SEMA6D: variants seen among roughly 807,000 people sequenced by gnomAD.
The protein encoded by SEMA6D is semaphorin 6D.
A neutral mutation model predicts 106.6 loss-of-function variants in SEMA6D; 35 were observed. The ratio of observed to expected loss-of-function variants is 0.33; its 90% CI spans 0.25 to 0.44. The LOEUF is 0.44. SEMA6D is among the 20% of genes least tolerant of loss of function. The pLI, the probability that SEMA6D is intolerant of heterozygous loss-of-function variation, is 1.00. For missense variants in SEMA6D, 1,185 were observed against 1,345.9 expected (o/e 0.88, Z 1.87); for synonymous variants, 499 against 487.7 (o/e 1.02, Z -0.31).
At chr15:47,311,911 C>A (rs1182569310) in intron 1 of SEMA6D, among the ~76,000 whole-genome samples, 1 of 152,162 alleles carries the variant, frequency 6.6e-6, no homozygotes, top group Non-Finnish European at 1.5e-5. Context: ...TCTTCAGTGA[C>A]CTTGCCATTT....
In SEMA6D at chr15:47,324,757, T is replaced by A. The variant is rs558544112; in HGVS notation, c.-238-87636T>A. Reference sequence around the variant, plus strand: ...GAATGTGTGCACATACGTGTGTATATATATAGTAATGTACGCTATTATACA... The same window carrying A: ...GAATGTGTGCACATACGTGTGTATAAATATAGTAATGTACGCTATTATACA... On this transcript the variant is annotated intron_variant, in intron 1 of 19. Coordinates refer to the SEMA6D transcript ENST00000558014. 1.1e-4 allele frequency among the ~76,000 whole-genome samples: 16 copies of A among 151,598 alleles called. 1 individual carries two copies. In the South Asian group the frequency reaches 3.3e-3, roughly 32 times the overall value.
chr15:47,345,427 C>A (rs589497), intron 1 of SEMA6D, among the ~76,000 whole-genome samples: 2 of 151,864 alleles, frequency 1.3e-5, no homozygotes, highest in African/African-American at 4.8e-5. Context: ...TGATTTCCAA[C>A]ACAAGAGTAA....
At chr15:47,700,920 A>T (rs986016233) in intron 4 of SEMA6D, among the ~76,000 whole-genome samples, 1 of 152,214 alleles carries the variant, frequency 6.6e-6, no homozygotes, top group African/African-American at 2.4e-5. Flanking sequence ...TTGGAAAAAA[A>T]CATTAATCTA....
chr15:47,467,371 A>G (rs991615807), intron 2 of SEMA6D, among the ~76,000 whole-genome samples: 3 of 152,190 alleles, frequency 2.0e-5, no homozygotes, highest in Admixed American at 6.5e-5. Context: ...CAAGGAAATT[A>G]AAGTAATTAT....
At chr15:47,335,756 A>G (rs1054193333) in intron 1 of SEMA6D, among the ~76,000 whole-genome samples, 8 of 152,162 alleles carry the variant, frequency 5.3e-5, no homozygotes, top group African/African-American at 1.9e-4. Context: ...AGGAAGAGAA[A>G]AAGGGGAGAG....
At chr15:47,611,123 G>A (rs2076891597) in intron 4 of SEMA6D, among the ~76,000 whole-genome samples, 1 of 149,710 alleles carries the variant, frequency 6.7e-6, no homozygotes, top group African/African-American at 2.5e-5. Flanking sequence ...TAATTGATTA[G>A]CCTACCCACT....
At chr15:47,266,851 G>A (rs555934246) in intron 1 of SEMA6D, among the ~76,000 whole-genome samples, 18 of 152,174 alleles carry the variant, frequency 1.2e-4, no homozygotes, top group African/African-American at 3.1e-4. Context: ...TTCAAATACC[G>A]TAGATTTTTG....
intron 13 of SEMA6D, chr15:47,765,565 A>T (rs1199538776): frequency 1.7e-6 from 1 of 596,500 alleles, no homozygotes; most frequent in Non-Finnish European, 2.2e-6. Flanking sequence ...ACACAGGAAA[A>T]TTTATATGCA....
intron 1 of SEMA6D, among the ~76,000 whole-genome samples, chr15:47,259,401 C>A (rs2033961206): frequency 6.6e-6 from 1 of 151,630 alleles, no homozygotes. Flanking sequence ...CTGAGGAGGT[C>A]ATTGTTTCCT....
intron 1 of SEMA6D, among the ~76,000 whole-genome samples, chr15:47,731,715 C>T (rs1056007121): frequency 1.3e-5 from 2 of 152,202 alleles, no homozygotes; most frequent in African/African-American, 4.8e-5. Flanking sequence ...TGCCTTTTTC[C>T]ACAATTATTC....
chr15:47,665,216 A>G (rs966156152), intron 4 of SEMA6D, among the ~76,000 whole-genome samples: 2 of 152,214 alleles, frequency 1.3e-5, no homozygotes, highest in Non-Finnish European at 2.9e-5. Flanking sequence ...GTAGGAAGAA[A>G]GCAGGGACAA....
At chr15:47,530,432 C>T (rs1046427770) in intron 3 of SEMA6D, among the ~76,000 whole-genome samples, 6 of 152,116 alleles carry the variant, frequency 3.9e-5, no homozygotes, top group Non-Finnish European at 5.9e-5. Flanking sequence ...GACAATAGTT[C>T]CCTAAATTGG....
chr15:47,234,051 A>G (rs1234116911), intron 1 of SEMA6D, among the ~76,000 whole-genome samples: 6 of 151,954 alleles, frequency 3.9e-5, no homozygotes, highest in African/African-American at 1.4e-4. Context: ...GAGAAAATGG[A>G]TAACAGTTGG....
At chr15:47,217,162 C>T (rs529993462) in intron 1 of SEMA6D, among the ~76,000 whole-genome samples, 2 of 152,218 alleles carry the variant, frequency 1.3e-5, no homozygotes, top group African/African-American at 2.4e-5. Flanking sequence ...ATAAGTCATC[C>T]CGTGTATGGT....
chr15:47,336,271 C>G (rs1343646651), intron 1 of SEMA6D, among the ~76,000 whole-genome samples: 1 of 152,170 alleles, frequency 6.6e-6, no homozygotes, highest in Non-Finnish European at 1.5e-5. Context: ...TTTCCCCTAC[C>G]TAACACTGTA....
intron 4 of SEMA6D, among the ~76,000 whole-genome samples, chr15:47,696,129 G>A (rs72735842): frequency 0.038 from 5,842 of 152,126 alleles, 166 homozygotes; most frequent in Non-Finnish European, 0.054. Flanking sequence ...GTTGATGATG[G>A]ATTACCACGG....
At chr15:47,656,183 CA>C (rs2077789994) in intron 4 of SEMA6D, among the ~76,000 whole-genome samples, 1 of 152,180 alleles carries the variant, frequency 6.6e-6, no homozygotes, top group African/African-American at 2.4e-5. Context: ...GTGTGTTTAA[CA>C]CTAATGAACC....
At chr15:47,207,993 G>GCGCGCGCGCACACACA (rs1424944556) in intron 1 of SEMA6D, among the ~76,000 whole-genome samples, 1 of 89,398 alleles carries the variant, frequency 1.1e-5, no homozygotes, top group African/African-American at 4.1e-5. Flanking sequence ...TGGCGCGCGC[G>GCGCGCGCGCACACACA]CACACACACA....
chr15:47,618,876 A>G (rs987606986), intron 4 of SEMA6D, among the ~76,000 whole-genome samples: 1 of 152,184 alleles, frequency 6.6e-6, no homozygotes, highest in Non-Finnish European at 1.5e-5. Flanking sequence ...ATTCAGAGAG[A>G]TGATATGTGT....
Sources: gnomAD v4.1 joint callset for allele counts (sites outside exome capture counted in the v4.1 genomes callset) on GRCh38, gnomAD v4.1.1 for gene constraint, MANE v1.5 for transcripts, NCBI Gene and HGNC (gene_info 2026-07-23, HGNC 2026-07-21) for gene names.